The following KCNK2 variants were observed in gnomAD, a reference collection of about 807,000 sequenced individuals.
KCNK2 encodes the protein potassium two pore domain channel subfamily K member 2.
KCNK2 carries 21 observed loss-of-function variants against 40.5 expected under a neutral mutation model. That is an observed-to-expected ratio of 0.52 (90% CI 0.37 to 0.75). The LOEUF is 0.75. Ranked by LOEUF, KCNK2 falls within the 30% of genes least tolerant of loss-of-function variation. The probability of loss-of-function intolerance (pLI) is 0.00; values close to 1 mark genes in which losing one functional copy is unlikely to be tolerated. For missense variants in KCNK2, 399 were observed against 531.6 expected (o/e 0.75, Z 2.45); for synonymous variants, 191 against 202.2 (o/e 0.94, Z 0.47).
chr1:215,209,438 A>AATATATAATATATATT (rs1665500509), intron 6 of KCNK2, among the ~76,000 whole-genome samples: 1 of 9,714 alleles, frequency 1.0e-4, no homozygotes, highest in African/African-American at 3.2e-4. Flanking sequence ...TATAATATAA[A>AATATATAATATATATT]ATATATAATA....
chr1:215,068,178 T>C (rs1320137175), intron 1 of KCNK2, among the ~76,000 whole-genome samples: 1 of 152,056 alleles, frequency 6.6e-6, no homozygotes, highest in African/African-American at 2.4e-5. Flanking sequence ...ACTATATAAA[T>C]GATAATGATG....
At chr1:215,071,593 A>G (rs1005767973) in intron 1 of KCNK2, among the ~76,000 whole-genome samples, 1 of 152,208 alleles carries the variant, frequency 6.6e-6, no homozygotes, top group Admixed American at 6.5e-5. Flanking sequence ...GGAGAAAGCT[A>G]TAATTATAGC....
intron 6 of KCNK2, among the ~76,000 whole-genome samples, chr1:215,234,061 T>A (rs1666778590): frequency 6.6e-6 from 1 of 152,202 alleles, no homozygotes; most frequent in African/African-American, 2.4e-5. Context: ...TGTGAAGATG[T>A]CTGTTCTACA....
intron 2 of KCNK2, among the ~76,000 whole-genome samples, chr1:215,093,880 A>T (rs534344554): frequency 1.7e-3 from 180 of 103,980 alleles, no homozygotes; most frequent in African/African-American, 6.6e-3. Flanking sequence ...ATTATATATT[A>T]TATATTATAT....
intron 2 of KCNK2, among the ~76,000 whole-genome samples, chr1:215,105,800 G>T (rs1660411772): frequency 6.6e-6 from 1 of 151,912 alleles, no homozygotes; most frequent in African/African-American, 2.4e-5. Flanking sequence ...TTATGTCTGT[G>T]CATACTCAAT....
At chr1:215,205,512 G>C (rs957671198) in intron 6 of KCNK2, among the ~76,000 whole-genome samples, 5 of 152,084 alleles carry the variant, frequency 3.3e-5, no homozygotes, top group Non-Finnish European at 7.4e-5. Context: ...CAAAGTGCTG[G>C]GATTACAGGC....
chr1:215,228,807 T>G (rs1035850609), intron 6 of KCNK2, among the ~76,000 whole-genome samples: 8 of 152,176 alleles, frequency 5.3e-5, no homozygotes, highest in Non-Finnish European at 1.2e-4. Flanking sequence ...AAATGTGATA[T>G]TCTCAGGAAC....
At chr1:215,178,720 T>C (rs184395280) in intron 5 of KCNK2, among the ~76,000 whole-genome samples, 55 of 152,298 alleles carry the variant, frequency 3.6e-4, no homozygotes, top group Admixed American at 2.9e-3. Flanking sequence ...CCTGATCATG[T>C]TGAACTAACT....
At chr1:215,103,962 G>A (rs1357538191) in intron 2 of KCNK2, among the ~76,000 whole-genome samples, 3 of 151,992 alleles carry the variant, frequency 2.0e-5, no homozygotes, top group African/African-American at 7.2e-5. Flanking sequence ...AAAAAAATAA[G>A]CTAATCTTAT....
At chr1:215,174,213 T>G (rs1663850421) in intron 5 of KCNK2, among the ~76,000 whole-genome samples, 1 of 152,152 alleles carries the variant, frequency 6.6e-6, no homozygotes, top group South Asian at 2.1e-4. Context: ...CCCAGCACCA[T>G]TTATTAAATA....
At chr1:215,121,539 TGCTGGGATTAAAGGCAGGA>T (rs1357351352) in intron 2 of KCNK2, among the ~76,000 whole-genome samples, 7 of 152,122 alleles carry the variant, frequency 4.6e-5, no homozygotes, top group African/African-American at 1.7e-4. Context: ...TCTCCCAAAG[TGCTGGGATTAAAGGCAGGA>T]GCCGCCACAC....
At chr1:215,036,015 A>G in intron 1 of KCNK2, among the ~76,000 whole-genome samples, 1 of 151,808 alleles carries the variant, frequency 6.6e-6, no homozygotes, top group East Asian at 1.9e-4. Flanking sequence ...GTCTTTTGAT[A>G]TGCAGAAGGT....
intron 2 of KCNK2, among the ~76,000 whole-genome samples, chr1:215,112,400 AT>A (rs1276796262): frequency 6.6e-6 from 1 of 152,084 alleles, no homozygotes; most frequent in Admixed American, 6.6e-5. Flanking sequence ...AAGAAAAAAT[AT>A]TTTTATACAG....
At chr1:215,209,459 A>ATT (rs372882181) in intron 6 of KCNK2, among the ~76,000 whole-genome samples, 5 of 22,142 alleles carry the variant, frequency 2.3e-4, no homozygotes, top group Non-Finnish European at 3.8e-4. Flanking sequence ...TATATTATAT[A>ATT]TTATATATAA....
intron 1 of KCNK2, among the ~76,000 whole-genome samples, chr1:215,059,714 G>T (rs1473633326): frequency 2.0e-5 from 3 of 152,166 alleles, no homozygotes; most frequent in Non-Finnish European, 4.4e-5. Flanking sequence ...GCAAAAAGAA[G>T]AGGAAGTAAA....
chr1:215,104,905 AT>A (rs1660371220), intron 2 of KCNK2, among the ~76,000 whole-genome samples: 1 of 151,760 alleles, frequency 6.6e-6, no homozygotes, highest in Admixed American at 6.6e-5. Flanking sequence ...TCATAACCTG[AT>A]TATCTCATTT....
chr1:215,170,947 C>T (rs1332535256), intron 4 of KCNK2, among the ~76,000 whole-genome samples: 1 of 151,990 alleles, frequency 6.6e-6, no homozygotes, highest in African/African-American at 2.4e-5. Context: ...TGTTTGGTAC[C>T]AAGCACTATT....
chr1:215,022,445 C>T (rs1656836431), intron 1 of KCNK2, among the ~76,000 whole-genome samples: 2 of 135,274 alleles, frequency 1.5e-5, no homozygotes, highest in Admixed American at 1.5e-4. Flanking sequence ...ATGAGCTCCT[C>T]TTGTGAAACA....
At position 215,007,602 on chromosome 1, in the gene KCNK2, A is replaced by G. The variant is rs76609534; in HGVS notation, c.34+1647A>G. Among the ~76,000 whole-genome samples, 1,064 of 152,160 alleles carry G rather than the reference A, an allele frequency of 7.0e-3. 25 individuals are homozygous for G. In the East Asian group the frequency reaches 0.083, roughly 12 times the overall value. ...AATTTCTTCTCATATCACTTAGTAT[A>G]GACATGTGCTAAACTGAACACATGT... On this transcript the variant is annotated intron_variant, in intron 1 of 6. Transcript: ENST00000391895.
Sources: gnomAD v4.1 joint callset for allele counts (sites outside exome capture counted in the v4.1 genomes callset) on GRCh38, gnomAD v4.1.1 for gene constraint, MANE v1.5 for transcripts, NCBI Gene and HGNC (gene_info 2026-07-23, HGNC 2026-07-21) for gene names.